Variants in BARHL2 observed in about 807,000 individuals in gnomAD.
BARHL2 encodes barH-like 2 homeobox protein.
Under a neutral mutation model 27.1 loss-of-function variants are expected in BARHL2, and 10 were observed. The observed-to-expected ratio is 0.37, with a 90% CI of 0.23 to 0.63. BARHL2 has a LOEUF of 0.63. Among genes scored for constraint, BARHL2 ranks in the 20% least tolerant of loss-of-function variants. The probability of loss-of-function intolerance (pLI) is 0.65; values close to 1 mark genes in which losing one functional copy is unlikely to be tolerated. For synonymous variants in BARHL2, 248 were observed against 224.7 expected (o/e 1.10, Z -0.93); for missense variants, 483 against 533.5 (o/e 0.91, Z 0.93).
chr1:90,715,577 A>G (rs1658127749), intron 1 of BARHL2, among the ~76,000 whole-genome samples: 1 of 152,194 alleles, frequency 6.6e-6, no homozygotes, highest in Middle Eastern at 3.2e-3. Context: ...AAATCGCCAG[A>G]CCAGACTGTA....
rs779329237 is a variant in BARHL2, at chr1:90,714,704, A to T, written c.678T>A (p.Pro226=). The change falls in exon 2 of 3, where the codon CCT becomes CCA. Residue 226 remains proline (P), a synonymous_variant. Coordinates refer to ENST00000370445, the MANE Select transcript of BARHL2 (RefSeq NM_020063.2). ...REITSSRESP[P]VRAKKPRKAR... ...CTTTTCGAGGCTTCTTGGCTCTCAC[A>T]GGGGGACTCTCACGGCTACTCGTAA... 3 of 1,614,144 alleles carry T rather than the reference A, an allele frequency of 1.9e-6. No individual in the cohort carries two copies. The highest frequency in any genetic ancestry group is 2.5e-6 in the Non-Finnish European group (3 of 1,180,022).
chr1:90,713,388 C>T (rs547460559), intron 2 of BARHL2, among the ~76,000 whole-genome samples: 3 of 152,310 alleles, frequency 2.0e-5, no homozygotes, highest in African/African-American at 7.2e-5. Context: ...TCCTCCCTCC[C>T]CCGCTGCACA....
chr1:90,712,907 T>C (rs1470146949), intron 2 of BARHL2, among the ~76,000 whole-genome samples: 1 of 152,180 alleles, frequency 6.6e-6, no homozygotes, highest in African/African-American at 2.4e-5. Context: ...AAACCTCTGC[T>C]CTGCTGTCGC....
At chr1:90,714,490 A>C (rs1158653993) in intron 2 of BARHL2, 41 bp downstream of exon 2, 7 of 1,568,410 alleles carry the variant, frequency 4.5e-6, no homozygotes, top group Non-Finnish European at 6.1e-6. Context: ...TCATGACTTA[A>C]ATGGCCAGAC....
At chr1:90,713,770 G>A (rs1452123702) in intron 2 of BARHL2, among the ~76,000 whole-genome samples, 1 of 152,202 alleles carries the variant, frequency 6.6e-6, no homozygotes, top group Non-Finnish European at 1.5e-5. Flanking sequence ...TCGTGGCCCT[G>A]CGAGCACTGG....
rs115847143 is a variant in BARHL2, at chr1:90,713,263, C to A, written c.852-639G>T. 8.6e-4 allele frequency among the ~76,000 whole-genome samples: 131 copies of A among 152,298 alleles called. 1 individual carries two copies. Among genetic ancestry groups the A allele is most frequent in the Non-Finnish European group, 1.6e-3 (108 of 68,020 alleles). On this transcript the variant is annotated intron_variant, in intron 2 of 2. Coordinates refer to ENST00000370445, the MANE Select transcript of BARHL2 (RefSeq NM_020063.2). Reference sequence around the variant, plus strand: ...AATGGAATTCATTTGAGGGAGGGTTCTCCCAAGGGCAAAGTACCTCCTGGC... The same window carrying A: ...AATGGAATTCATTTGAGGGAGGGTTATCCCAAGGGCAAAGTACCTCCTGGC...
intron 1 of BARHL2, among the ~76,000 whole-genome samples, chr1:90,716,349 G>T (rs1451502420): frequency 6.6e-6 from 1 of 152,194 alleles, no homozygotes; most frequent in African/African-American, 2.4e-5. Context: ...GAAGGAGCTG[G>T]ATGGCCGTGA....
chr1:90,716,126 G>T (rs1227078119), intron 1 of BARHL2, among the ~76,000 whole-genome samples: 2 of 143,436 alleles, frequency 1.4e-5, no homozygotes, highest in Admixed American at 7.0e-5. Context: ...TGGGGGGGGG[G>T]TGAAATCACT....
At chr1:90,714,838 T>G in intron 1 of BARHL2, 82 bp from the exon 2 acceptor site, 1 of 1,360,266 alleles carries the variant, frequency 7.4e-7, no homozygotes, top group Non-Finnish European at 1.0e-6. Context: ...CACTTCCACA[T>G]TCCCAAGCCA....
Position 90,716,831 on chromosome 1 carries a change from G to GGCGGCGGCTGCTGTGGCGGCA in BARHL2, c.344_364dup (p.Leu115_Pro121dup), listed in dbSNP as rs1183043622. Reference sequence around the variant, plus strand: ...CGAGCCCAGCTGCTGGGGGGGCGGCGGCGGCGGCTGCTGTGGCGGCAGCGG... The same window carrying GGCGGCGGCTGCTGTGGCGGCA: ...CGAGCCCAGCTGCTGGGGGGGCGGCGGCGGCGGCTGCTGTGGCGGCAGCGGCGGCTGCTGTGGCGGCAGCGG... On this transcript the variant is annotated inframe_insertion, in exon 1 of 3. Coordinates refer to ENST00000370445, the MANE Select transcript of BARHL2 (RefSeq NM_020063.2). 3 of 1,553,322 alleles carry GGCGGCGGCTGCTGTGGCGGCA rather than the reference G, an allele frequency of 1.9e-6. No homozygotes were observed. The highest frequency in any genetic ancestry group is 1.4e-5 in the African/African-American group (1 of 73,082).
chr1:90,717,293 T>G lies in BARHL2; in HGVS notation c.-98A>C. The G allele has an allele frequency of 1.3e-6, 2 of 1,500,704 alleles. No homozygotes were observed. Among genetic ancestry groups the G allele is most frequent in the Non-Finnish European group, 1.8e-6 (2 of 1,139,250 alleles). 93.0% of individuals were successfully genotyped at this position (1,500,704 alleles called of 1,614,324 possible). On this transcript the variant is annotated 5_prime_UTR_variant, in exon 1 of 3. Coordinates refer to ENST00000370445, the MANE Select transcript of BARHL2 (RefSeq NM_020063.2). ...AAACAAAATAAACACCAAACAATGT[T>G]GCCGCCGCTTAAAAAAAAAAAAGTG...
chr1:90,713,928 G>A (rs571031719), intron 2 of BARHL2, among the ~76,000 whole-genome samples: 171 of 152,332 alleles, frequency 1.1e-3, no homozygotes, highest in African/African-American at 3.8e-3. Flanking sequence ...CCGGATGCTT[G>A]GCCAGCCGCC....
chr1:90,716,835 G>C lies in BARHL2; in HGVS notation c.361C>G (p.Pro121Ala). ...QQQPLPPQQP[P>A]PPPPQQLGSA... ...CCCAGCTGCTGGGGGGGCGGCGGCG[G>C]CGGCTGCTGTGGCGGCAGCGGCTGC... Residue 121 changes from proline (P) to alanine (A), a missense_variant, in exon 1 of 3, where the codon CCG (proline) becomes GCG (alanine). Pro to Ala is a conservative substitution (Grantham distance 27, BLOSUM62 -1). This residue lies in a region of BARHL2 where 304 missense variants were observed against 284.9 expected (regional missense o/e 1.07). Transcript: ENST00000370445. 1.9e-6 allele frequency: 3 copies of C among 1,554,374 alleles called. No individual in the cohort carries two copies. The highest frequency in any genetic ancestry group is 2.6e-6 in the Non-Finnish European group (3 of 1,149,054).
intron 1 of BARHL2, among the ~76,000 whole-genome samples, chr1:90,715,102 TTTTC>T (rs1658117099): frequency 6.6e-6 from 1 of 151,896 alleles, no homozygotes; most frequent in Non-Finnish European, 1.5e-5. Context: ...ATGCTGTCCC[TTTTC>T]TTTATTGTTT....
chr1:90,716,299 C>T (rs1334560185), intron 1 of BARHL2, among the ~76,000 whole-genome samples: 1 of 152,180 alleles, frequency 6.6e-6, no homozygotes, highest in Non-Finnish European at 1.5e-5. Context: ...CCCTCCGCCG[C>T]CCCTCAACCC....
rs867859707 is a variant in BARHL2 at position 90,712,580 on chromosome 1, G to A, written c.896C>T (p.Ala299Val). 1 of 1,611,930 alleles carries A rather than the reference G, an allele frequency of 6.2e-7. No individual in the cohort carries two copies. The highest frequency in any genetic ancestry group is 8.5e-7 in the Non-Finnish European group (1 of 1,179,102). ...CAGCGCCGAGTAGTTCCCTGCCTCG[G>A]CCAGCAACTCCAGGCCCACCGCTGT... ...RQTAVGLELLAEAGNYSALQR... is the reference protein window; with the variant it reads ...RQTAVGLELLVEAGNYSALQR... Residue 299 changes from alanine (A) to valine (V), a missense_variant, in exon 3 of 3, where the codon GCC (alanine) becomes GTC (valine). Ala to Val is a moderately conservative substitution (Grantham distance 64). This residue lies in a region of BARHL2 where 130 missense variants were observed against 138.0 expected (regional missense o/e 0.94). Transcript: ENST00000370445.
rs149316850 is a variant in BARHL2 at position 90,712,440 on chromosome 1, G to A, written c.1036C>T (p.Pro346Ser). ...CGCTGCAGCTGGGGATGGGGTGCTG[G>A]AGGAGTCCGGTACATGCTGCTGTAC... is the stretch of plus-strand genomic sequence containing the variant. ...AMYSSMYRTP[P>S]APHPQLQRPL... The change falls in exon 3 of 3, where the codon CCA becomes TCA. Residue 346 changes from proline (P) to serine (S), a missense_variant. By Grantham distance (74) the Pro-to-Ser change is moderately conservative. Transcript: ENST00000370445. The A allele has an allele frequency of 4.3e-6, 7 of 1,612,260 alleles. No individual in the cohort carries two copies. In the African/African-American group the frequency reaches 5.3e-5, roughly 12 times the overall value.
rs759288676 is a variant in BARHL2, at chr1:90,714,644, T to A, written c.738A>T (p.Gln246His). ...TCTGCCGCTCAAAGCTACGCTCCAGTTGATTGAGCTGGTGGTCGGAAAAAG... is the reference window on the plus strand; with the variant it reads ...TCTGCCGCTCAAAGCTACGCTCCAGATGATTGAGCTGGTGGTCGGAAAAAG... Reference protein sequence around the residue: ...RTAFSDHQLNQLERSFERQKY... With the variant: ...RTAFSDHQLNHLERSFERQKY... Residue 246 changes from glutamine to histidine, a missense_variant, in exon 2 of 3, where the codon CAA (glutamine) becomes CAT (histidine). By Grantham distance (24) the Gln-to-His change is conservative. Transcript: ENST00000370445. 6.2e-7 allele frequency: 1 copy of A among 1,614,190 alleles called. No individual in the cohort carries two copies.
At chr1:90,715,253 T>G (rs1174842645) in intron 1 of BARHL2, among the ~76,000 whole-genome samples, 2 of 151,586 alleles carry the variant, frequency 1.3e-5, no homozygotes, top group Non-Finnish European at 2.9e-5. Flanking sequence ...TAGGTGTTTG[T>G]TTTACTTTTT....
Sources: allele counts gnomAD v4.1 joint callset (sites outside exome capture counted in the v4.1 genomes callset), GRCh38; gene constraint gnomAD v4.1.1; regional missense constraint gnomAD v4.1.1; transcripts MANE v1.5; gene names NCBI Gene and HGNC (gene_info 2026-07-23, HGNC 2026-07-21).